The following WRN variants were observed in gnomAD, a reference collection of about 807,000 sequenced individuals.
WRN encodes WRN RecQ like helicase.
A neutral mutation model predicts 180.7 loss-of-function variants in WRN; 149 were observed. That is an observed-to-expected ratio of 0.82 (90% CI 0.72 to 0.94). WRN has a LOEUF of 0.94. Among genes scored for constraint, WRN ranks in the 40% least tolerant of loss-of-function variants. WRN has a pLI of 0.00. For synonymous variants in WRN, 548 were observed against 568.9 expected (o/e 0.96, Z 0.52); for missense variants, 1,661 against 1,700.1 (o/e 0.98, Z 0.40).
At position 31,129,007 on chromosome 8, in the gene WRN, A is replaced by G. The variant is rs532047034; in HGVS notation, c.2826-3358A>G. Among the ~76,000 whole-genome samples, 32 of 151,438 alleles carry G rather than the reference A, an allele frequency of 2.1e-4. No homozygotes were observed. In the South Asian group the frequency reaches 2.5e-3, roughly 12 times the overall value. The stretch of plus-strand genomic sequence containing the variant: ...TTTATTTTTTTGACATAGGGTCACT[A>G]CAGGCTGTCACACAGGCTGGAGAGC... On this transcript the variant is annotated intron_variant, in intron 23 of 34. Coordinates refer to ENST00000298139, the MANE Select transcript of WRN (RefSeq NM_000553.6).
chr8:31,172,956 T>C lies in WRN; in HGVS notation c.4192-39T>C, dbSNP rs143460277. On this transcript the variant is annotated intron_variant, in intron 34 of 34. Coordinates refer to ENST00000298139, the MANE Select transcript of WRN (RefSeq NM_000553.6). The stretch of plus-strand genomic sequence containing the variant: ...TGCAACTAATACCCCTTCTCAGTAG[T>C]ACAAAGATTTGATTTCTTTTTCTTT... 2.6e-3 allele frequency: 4,126 copies of C among 1,598,262 alleles called. 8 individuals are homozygous for C. Among genetic ancestry groups the C allele is most frequent in the Middle Eastern group, 3.6e-3 (22 of 6,036 alleles).
intron 11 of WRN, among the ~76,000 whole-genome samples, chr8:31,086,671 A>C (rs920525418): frequency 6.6e-6 from 1 of 152,126 alleles, no homozygotes. Flanking sequence ...ACTTTGGGGA[A>C]GTTTCTTAGC....
At chr8:31,127,425 T>A (rs1050208454) in intron 23 of WRN, among the ~76,000 whole-genome samples, 6 of 152,000 alleles carry the variant, frequency 3.9e-5, no homozygotes, top group African/African-American at 1.5e-4. Context: ...ATTGAAAAAA[T>A]AAAATAAAAA....
At chr8:31,048,173 A>G (rs1811941016) in intron 1 of WRN, among the ~76,000 whole-genome samples, 3 of 152,352 alleles carry the variant, frequency 2.0e-5, no homozygotes, top group Middle Eastern at 6.8e-3. Flanking sequence ...TTTAAAAATT[A>G]CATCGTCTTA....
chr8:31,044,466 C>T lies in WRN; in HGVS notation c.-77+10493C>T, dbSNP rs547569172. 2.6e-3 allele frequency among the ~76,000 whole-genome samples: 385 copies of T among 147,976 alleles called. 1 individual carries two copies. Among genetic ancestry groups the T allele is most frequent in the African/African-American group, 9.0e-3 (365 of 40,508 alleles). ...CCACCTCCCAGGTTCAAGCGATTCT[C>T]CTGCCTCAGCCTCCTGAGTAGCTGG... On this transcript the variant is annotated intron_variant, in intron 1 of 34. Transcript: ENST00000298139.
At chr8:31,163,039 A>G (rs1250887372) in intron 33 of WRN, among the ~76,000 whole-genome samples, 2 of 152,250 alleles carry the variant, frequency 1.3e-5, no homozygotes, top group Non-Finnish European at 2.9e-5. Context: ...GTTCCCCAAA[A>G]TATATCTTAC....
rs764032187 is a variant in WRN, at chr8:31,076,128, C to G, written c.725-45C>G. The G allele has an allele frequency of 4.1e-6, 6 of 1,465,704 alleles. No homozygotes were observed. In the South Asian group the frequency reaches 6.8e-5, roughly 17 times the overall value. 90.8% of individuals were successfully genotyped at this position (1,465,704 alleles called of 1,614,324 possible). A position where few individuals can be genotyped will look rare whatever the true frequency, so the allele number is the denominator to read the frequency against. On this transcript the variant is annotated intron_variant, in intron 7 of 34. Coordinates refer to ENST00000298139, the MANE Select transcript of WRN (RefSeq NM_000553.6). ...TAATGAAGTGGCTAAATGAATATCT[C>G]TGCTTTGTGGTTTGAAAATTAATAT...
chr8:31,134,502 T>G (rs1802321927), intron 24 of WRN, among the ~76,000 whole-genome samples: 1 of 152,234 alleles, frequency 6.6e-6, no homozygotes, highest in Non-Finnish European at 1.5e-5. Context: ...GTGAAGTTAT[T>G]ACTTAAGGAA....
intron 18 of WRN, among the ~76,000 whole-genome samples, chr8:31,106,278 C>G (rs762801224): frequency 6.6e-6 from 1 of 152,028 alleles, no homozygotes; most frequent in Non-Finnish European, 1.5e-5. Flanking sequence ...TTCACTCTTC[C>G]CATCCCTCAT....
intron 15 of WRN, 32 bp downstream of exon 15, chr8:31,090,974 C>T (rs376598190): frequency 5.9e-5 from 90 of 1,518,822 alleles, no homozygotes; most frequent in Admixed American, 6.7e-5. Flanking sequence ...ACAATATCAC[C>T]CTCTTTTTTT....
chr8:31,095,432 C>T (rs943207339), intron 16 of WRN, among the ~76,000 whole-genome samples: 26 of 152,024 alleles, frequency 1.7e-4, no homozygotes, highest in African/African-American at 5.8e-4. Flanking sequence ...TCCAGTTTGT[C>T]GATTCGTTCT....
chr8:31,044,338 CCTT>C (rs1811771355), intron 1 of WRN, among the ~76,000 whole-genome samples: 1 of 134,076 alleles, frequency 7.5e-6, no homozygotes, highest in Non-Finnish European at 1.6e-5. Context: ...GCTTGCCCGA[CCTT>C]CTTTTTTTTT....
At chr8:31,138,108 A>G (rs1037756288) in intron 24 of WRN, among the ~76,000 whole-genome samples, 2 of 152,022 alleles carry the variant, frequency 1.3e-5, no homozygotes, top group African/African-American at 2.4e-5. Flanking sequence ...TCTCCAAAAA[A>G]AAAAATTAGA....
chr8:31,141,190 C>T (rs1007182740), intron 24 of WRN, among the ~76,000 whole-genome samples: 3 of 152,146 alleles, frequency 2.0e-5, no homozygotes, highest in Admixed American at 6.5e-5. Flanking sequence ...CTGGGCAATG[C>T]ATCTGAATTA....
At chr8:31,045,432 C>T (rs1199188047) in intron 1 of WRN, among the ~76,000 whole-genome samples, 7 of 147,656 alleles carry the variant, frequency 4.7e-5, no homozygotes, top group Non-Finnish European at 8.9e-5. Context: ...CTGGGAGTCT[C>T]GTTCTTATTG....
rs752345825 is a variant in WRN at position 31,059,238 on chromosome 8, A to G, written c.182A>G (p.Asp61Gly). ...ATTGTGTATAGTTACGATGCTAGTG[A>G]TTGCTCTTTCCTGTCAGAAGATATT... is the stretch of plus-strand genomic sequence containing the variant. ...GSIVYSYDAS[D>G]CSFLSEDISM... The change falls in exon 3 of 35, where the codon GAT becomes GGT. Residue 61 changes from aspartate (D) to glycine (G), a missense_variant. Transcript: ENST00000298139. 6.2e-7 allele frequency: 1 copy of G among 1,613,738 alleles called. No homozygotes were observed.
intron 23 of WRN, 140 bp from the exon 24 acceptor site, chr8:31,132,225 A>G (rs904705547): frequency 2.0e-6 from 2 of 992,234 alleles, no homozygotes; most frequent in Non-Finnish European, 2.9e-6. Context: ...CTCGGGTATA[A>G]TGAACTTTAT....
At chr8:31,049,204 C>T (rs1811988921) in intron 1 of WRN, among the ~76,000 whole-genome samples, 1 of 77,610 alleles carries the variant, frequency 1.3e-5, no homozygotes, top group Admixed American at 2.4e-4. Context: ...GTGCGAGACT[C>T]TGTCTCAAAA....
chr8:31,071,673 G>A (rs749027190), intron 7 of WRN, among the ~76,000 whole-genome samples: 1 of 152,038 alleles, frequency 6.6e-6, no homozygotes, highest in African/African-American at 2.4e-5. Flanking sequence ...GTGGAGATGT[G>A]GTTTCGCCAT....
Sources: allele counts gnomAD v4.1 joint callset (sites outside exome capture counted in the v4.1 genomes callset), GRCh38; gene constraint gnomAD v4.1.1; transcripts MANE v1.5; gene names NCBI Gene and HGNC (gene_info 2026-07-23, HGNC 2026-07-21).